AOPEP: variants seen among roughly 807,000 people sequenced by gnomAD.
AOPEP encodes the protein aminopeptidase O (putative).
A neutral mutation model predicts 98.1 loss-of-function variants in AOPEP; 77 were observed. The observed-to-expected ratio is 0.78, with a 90% CI of 0.65 to 0.95. The LOEUF is 0.95. Among genes scored for constraint, AOPEP ranks in the 40% least tolerant of loss-of-function variants. The probability of loss-of-function intolerance (pLI) is 0.00; values close to 1 mark genes in which losing one functional copy is unlikely to be tolerated. For synonymous variants in AOPEP, 346 were observed against 365.3 expected, an observed-to-expected ratio of 0.95 and a Z score of 0.60; for missense variants, 1,024 against 1,024.7, an observed-to-expected ratio of 1.00 and a Z score of 0.01.
intron 5 of AOPEP, among the ~76,000 whole-genome samples, chr9:94,841,707 G>T (rs1236538255): frequency 6.6e-6 from 1 of 151,900 alleles, no homozygotes; most frequent in Non-Finnish European, 1.5e-5. Context: ...TAAGAGTTTT[G>T]TCTCAGGATA....
intron 11 of AOPEP, among the ~76,000 whole-genome samples, chr9:95,000,583 C>T (rs2061498509): frequency 1.3e-5 from 2 of 152,106 alleles, no homozygotes; most frequent in Non-Finnish European, 2.9e-5. Flanking sequence ...TGGCAGGCGC[C>T]TGTAATCCCA....
At chr9:94,830,160 T>C (rs1855627005) in intron 5 of AOPEP, among the ~76,000 whole-genome samples, 1 of 152,214 alleles carries the variant, frequency 6.6e-6, no homozygotes, top group Non-Finnish European at 1.5e-5. Context: ...AAGCCCAGCA[T>C]GCATTAACTA....
intron 13 of AOPEP, among the ~76,000 whole-genome samples, chr9:95,031,640 T>C (rs2064311020): frequency 6.6e-6 from 1 of 152,214 alleles, no homozygotes; most frequent in African/African-American, 2.4e-5. Flanking sequence ...ATTTTACTAC[T>C]CTACACGTAA....
rs79581525 is a variant in AOPEP at position 94,955,658 on chromosome 9, G to A, written c.1765-250G>A. Among the ~76,000 whole-genome samples the A allele has an allele frequency of 1.6e-3, 241 of 152,194 alleles. 2 individuals are homozygous for A. Among genetic ancestry groups the A allele is most frequent in the African/African-American group, 5.6e-3 (231 of 41,538 alleles). On this transcript the variant is annotated intron_variant, in intron 8 of 16. Transcript: ENST00000375315. ...GGGTCTCTCTTCTCTTTTCATCTGC[G>A]ATGGACAACCAGCCTTCATGTGAAC...
At chr9:94,874,381 A>C (rs1311277519) in intron 5 of AOPEP, among the ~76,000 whole-genome samples, 7 of 152,180 alleles carry the variant, frequency 4.6e-5, no homozygotes, top group Non-Finnish European at 1.0e-4. Context: ...TTTAAAAAAA[A>C]AGCCACAGGA....
At chr9:95,048,501 A>G (rs557769215) in intron 13 of AOPEP, among the ~76,000 whole-genome samples, 1 of 151,986 alleles carries the variant, frequency 6.6e-6, no homozygotes, top group Non-Finnish European at 1.5e-5. Context: ...CGAGATACTC[A>G]CGGGCGCGGG....
intron 5 of AOPEP, among the ~76,000 whole-genome samples, chr9:94,864,225 C>T (rs1245689710): frequency 4.6e-5 from 7 of 152,092 alleles, no homozygotes; most frequent in African/African-American, 9.7e-5. Context: ...GACAATTCAG[C>T]ATGGGGAGAC....
chr9:94,941,993 C>T (rs973925131), intron 7 of AOPEP, among the ~76,000 whole-genome samples: 13 of 152,176 alleles, frequency 8.5e-5, no homozygotes, highest in Admixed American at 8.5e-4. Context: ...ATTACTGCTA[C>T]TGTTTTCTTG....
chr9:94,931,978 A>T (rs2055394278), intron 7 of AOPEP: 1 of 1,164,618 alleles, frequency 8.6e-7, no homozygotes, highest in Non-Finnish European at 1.1e-6. Context: ...CCTCTAGCTG[A>T]TAAAGAACCA....
chr9:95,127,973 C>T, the AOPEP span, among the ~76,000 whole-genome samples: 1 of 152,274 alleles, frequency 6.6e-6, no homozygotes, highest in Non-Finnish European at 1.5e-5. Flanking sequence ...CTCCCTCATC[C>T]TTCACTGATG....
intron 13 of AOPEP, among the ~76,000 whole-genome samples, chr9:95,042,313 AAAAT>A (rs71366272): frequency 0.011 from 1,606 of 145,486 alleles, 29 homozygotes; most frequent in African/African-American, 0.038. Flanking sequence ...CTCTGTCTCA[AAAAT>A]AAATAAATAA....
At chr9:95,013,541 A>G (rs916092159) in intron 13 of AOPEP, among the ~76,000 whole-genome samples, 5 of 152,036 alleles carry the variant, frequency 3.3e-5, no homozygotes, top group African/African-American at 1.2e-4. Context: ...TAGGCATTAC[A>G]TACTATGCTG....
chr9:95,022,334 G>A (rs1158542925), intron 13 of AOPEP: 2 of 152,050 alleles, frequency 1.3e-5, no homozygotes, highest in African/African-American at 2.4e-5. Flanking sequence ...AGCATATTTG[G>A]GAATACATCC....
intron 3 of AOPEP, among the ~76,000 whole-genome samples, chr9:94,774,274 T>C (rs918944539): frequency 1.6e-5 from 2 of 124,652 alleles, no homozygotes; most frequent in Admixed American, 2.1e-4. Flanking sequence ...ATGGCGCCAC[T>C]GCACTCCAGC....
chr9:94,807,894 C>T (rs1849582784), intron 5 of AOPEP, among the ~76,000 whole-genome samples: 2 of 152,226 alleles, frequency 1.3e-5, no homozygotes, highest in Admixed American at 6.5e-5. Context: ...AACAGCTCTG[C>T]TGGAGGGAAT....
At chr9:94,891,435 C>T (rs555331889) in intron 5 of AOPEP, among the ~76,000 whole-genome samples, 112 of 152,092 alleles carry the variant, frequency 7.4e-4, no homozygotes, top group African/African-American at 2.6e-3. Flanking sequence ...CTTAAGTTAG[C>T]CATTTTATTT....
At chr9:94,880,282 G>A (rs117385565) in intron 5 of AOPEP, among the ~76,000 whole-genome samples, 2,299 of 152,160 alleles carry the variant, frequency 0.015, 30 homozygotes, top group Middle Eastern at 0.085. Flanking sequence ...CAATAGAAGT[G>A]AGAAACCCCT....
intron 5 of AOPEP, among the ~76,000 whole-genome samples, chr9:94,916,274 C>G (rs2052778917): frequency 1.3e-5 from 2 of 152,124 alleles, no homozygotes; most frequent in Non-Finnish European, 2.9e-5. Flanking sequence ...AGTGGAATCA[C>G]ATTTTGTCAT....
At chr9:94,772,133 A>G (rs968184857) in intron 2 of AOPEP, among the ~76,000 whole-genome samples, 6 of 152,246 alleles carry the variant, frequency 3.9e-5, no homozygotes, top group African/African-American at 1.4e-4. Flanking sequence ...CAAGCTGACT[A>G]AAACTACATA....
Sources: gnomAD v4.1 joint callset for allele counts (sites outside exome capture counted in the v4.1 genomes callset) on GRCh38, gnomAD v4.1.1 for gene constraint, MANE v1.5 for transcripts, NCBI Gene and HGNC (gene_info 2026-07-23, HGNC 2026-07-21) for gene names.